TTC27: variants seen among roughly 807,000 people sequenced by gnomAD.
The protein encoded by TTC27 is tetratricopeptide repeat protein 27.
TTC27 carries 79 observed loss-of-function variants against 115.9 expected under a neutral mutation model. That is an observed-to-expected ratio of 0.68 (90% CI 0.57 to 0.82). The LOEUF is 0.82. Among genes scored for constraint, TTC27 ranks in the 40% least tolerant of loss-of-function variants. TTC27 has a pLI of 0.00. For synonymous variants in TTC27, 401 were observed against 356.0 expected (o/e 1.13, Z -1.42); for missense variants, 1,054 against 993.1 (o/e 1.06, Z -0.82).
chr2:32,778,057 A>G (rs1670057962), intron 14 of TTC27, 77 bp downstream of exon 14: 2 of 1,372,286 alleles, frequency 1.5e-6, no homozygotes, highest in Non-Finnish European at 1.0e-6. Context: ...ATGGTTCAGA[A>G]CAGCAATTCC....
chr2:32,679,051 A>G (rs1666328708), intron 9 of TTC27, 129 bp downstream of exon 9: 1 of 709,394 alleles, frequency 1.4e-6, no homozygotes, highest in Non-Finnish European at 2.3e-6. Flanking sequence ...GAAAAATCTT[A>G]CCACTGTAGT....
chr2:32,638,626 G>A (rs1485370208), intron 3 of TTC27, among the ~76,000 whole-genome samples: 1 of 152,016 alleles, frequency 6.6e-6, no homozygotes, highest in Non-Finnish European at 1.5e-5. Context: ...TGATCCACCC[G>A]CGTGGCCTTC....
At position 32,665,075 on chromosome 2, in the gene TTC27, G is replaced by A. The variant is rs992243120; in HGVS notation, c.805+608G>A. On this transcript the variant is annotated intron_variant, in intron 6 of 19. Transcript: ENST00000317907. ...TTGGCCAGGCTGGTTTTGAATTCCT[G>A]ACCTCAAGTGATCCGCCCGCCTTGG... is the stretch of plus-strand genomic sequence containing the variant. Among the ~76,000 whole-genome samples, 4 of 151,948 alleles carry A rather than the reference G, an allele frequency of 2.6e-5. No individual in the cohort carries two copies. The East Asian group carries it at 5.8e-4, about 22-fold the overall frequency.
intron 4 of TTC27, among the ~76,000 whole-genome samples, chr2:32,641,707 T>A (rs1664655544): frequency 6.6e-6 from 1 of 152,136 alleles, no homozygotes; most frequent in Non-Finnish European, 1.5e-5. Context: ...AGATGGAGTT[T>A]CACTCTTGTT....
intron 9 of TTC27, among the ~76,000 whole-genome samples, chr2:32,695,449 G>A (rs1201382579): frequency 5.3e-5 from 8 of 151,810 alleles, no homozygotes; most frequent in South Asian, 2.1e-4. Flanking sequence ...GGCCAGGCAC[G>A]GTGGCTCACG....
intron 18 of TTC27, among the ~76,000 whole-genome samples, chr2:32,813,523 T>C (rs545594322): frequency 1.3e-5 from 2 of 152,174 alleles, no homozygotes; most frequent in African/African-American, 4.8e-5. Flanking sequence ...TACCTACCCA[T>C]GAAGAATAAA....
intron 8 of TTC27, among the ~76,000 whole-genome samples, chr2:32,676,460 A>T (rs1407037527): frequency 1.3e-5 from 2 of 149,254 alleles, no homozygotes; most frequent in African/African-American, 2.5e-5. Context: ...GGGATATGTT[A>T]TATTTTATAA....
At chr2:32,760,585 G>A (rs536732040) in intron 13 of TTC27, among the ~76,000 whole-genome samples, 3 of 152,008 alleles carry the variant, frequency 2.0e-5, no homozygotes, top group South Asian at 2.1e-4. Context: ...TTTTTTTGGC[G>A]GCGGGGAGGG....
intron 5 of TTC27, among the ~76,000 whole-genome samples, chr2:32,663,305 AG>A (rs1233596492): frequency 2.0e-5 from 3 of 152,136 alleles, no homozygotes; most frequent in Non-Finnish European, 2.9e-5. Flanking sequence ...CTGGTGGTGT[AG>A]GCACCCGAGG....
chr2:32,678,772 GTTTAC>G lies in TTC27; in HGVS notation c.1053-80_1053-76del, dbSNP rs1351436495. 1.1e-5 allele frequency: 11 copies of G among 1,012,104 alleles called. No homozygotes were observed. The Admixed American group carries it at 2.1e-4, about 20-fold the overall frequency. The allele number at this position is 1,012,104 out of a possible 1,614,324, so 62.7% of individuals were successfully genotyped here. A position where few individuals can be genotyped will look rare whatever the true frequency, so the allele number is the denominator to read the frequency against. Reference sequence around the variant, plus strand: ...GCTTTCAAATATATAAAATATAGCAGTTTACTTTGCTTTTTAAAAATTATATTTCA... The same window carrying G: ...GCTTTCAAATATATAAAATATAGCAGTTTGCTTTTTAAAAATTATATTTCA... On this transcript the variant is annotated intron_variant, in intron 8 of 19. Transcript: ENST00000317907.
intron 14 of TTC27, among the ~76,000 whole-genome samples, chr2:32,781,892 G>C (rs200744875): frequency 1.3e-5 from 2 of 152,314 alleles, no homozygotes; most frequent in East Asian, 3.9e-4. Flanking sequence ...TCAGCTCACA[G>C]CTTTCTGGTA....
intron 6 of TTC27, 40 bp from the exon 7 acceptor site, chr2:32,666,595 C>A: frequency 6.2e-7 from 1 of 1,606,714 alleles, no homozygotes; most frequent in South Asian, 1.1e-5. Flanking sequence ...CAGTAGATCT[C>A]ATGGGTAAGT....
intron 5 of TTC27, among the ~76,000 whole-genome samples, chr2:32,659,326 T>C (rs1395679705): frequency 3.3e-5 from 5 of 150,884 alleles, no homozygotes; most frequent in South Asian, 2.1e-4. Context: ...TAAACTGATA[T>C]CGTCTTCATC....
chr2:32,631,941 G>A (rs574112329), intron 2 of TTC27, among the ~76,000 whole-genome samples: 4 of 151,584 alleles, frequency 2.6e-5, no homozygotes, highest in African/African-American at 9.7e-5. Context: ...TTCCCATGTA[G>A]CTGGGATTAC....
rs746039172 is a variant in TTC27, at chr2:32,630,618, G to A, written c.184G>A (p.Ala62Thr). 1.2e-6 allele frequency: 2 copies of A among 1,613,648 alleles called. No individual in the cohort carries two copies. Among genetic ancestry groups the A allele is most frequent in the South Asian group, 1.1e-5 (1 of 91,022 alleles). ...AAATATTTTTAATTCAACAACAACC[G>A]CTGAAGAAAAGATTGATAGCTACCT... ...TQNIFNSTTT[A>T]EEKIDSYLEK... The change falls in exon 2 of 20, where the codon GCT becomes ACT. Residue 62 changes from alanine (A) to threonine (T), a missense_variant. Ala to Thr is a moderately conservative substitution (Grantham distance 58). Coordinates refer to ENST00000317907, the MANE Select transcript of TTC27 (RefSeq NM_017735.5).
intron 10 of TTC27, among the ~76,000 whole-genome samples, chr2:32,711,814 C>A (rs1451102789): frequency 6.6e-6 from 1 of 152,008 alleles, no homozygotes; most frequent in Non-Finnish European, 1.5e-5. Context: ...GTGGCAGGCA[C>A]CTGTAATCCC....
chr2:32,637,713 A>G lies in TTC27; in HGVS notation c.397-2557A>G, dbSNP rs973576848. On this transcript the variant is annotated intron_variant, in intron 3 of 19. Coordinates refer to ENST00000317907, the MANE Select transcript of TTC27 (RefSeq NM_017735.5). Reference sequence around the variant, plus strand: ...TTGGGCTTTAGGAAATCAGCTTGTTATATCTACTTGAATTTACAACATGAT... The same window carrying G: ...TTGGGCTTTAGGAAATCAGCTTGTTGTATCTACTTGAATTTACAACATGAT... 2.6e-5 allele frequency among the ~76,000 whole-genome samples: 4 copies of G among 152,156 alleles called. No individual in the cohort carries two copies. The East Asian group carries it at 5.8e-4, about 22-fold the overall frequency.
intron 16 of TTC27, 109 bp downstream of exon 16, chr2:32,787,258 G>C: frequency 8.2e-7 from 1 of 1,224,552 alleles, no homozygotes. Context: ...TTAAACACAT[G>C]TAACATATGA....
At chr2:32,648,086 A>G (rs925833435) in intron 4 of TTC27, among the ~76,000 whole-genome samples, 1 of 152,034 alleles carries the variant, frequency 6.6e-6, no homozygotes, top group African/African-American at 2.4e-5. Context: ...CTGGAGGAGG[A>G]TGATATTGGG....
Sources: allele counts gnomAD v4.1 joint callset (sites outside exome capture counted in the v4.1 genomes callset), GRCh38; gene constraint gnomAD v4.1.1; transcripts MANE v1.5; gene names NCBI Gene and HGNC (gene_info 2026-07-23, HGNC 2026-07-21).